AASDH: variants seen among roughly 807,000 people sequenced by gnomAD.
AASDH encodes beta-alanine-activating enzyme.
A neutral mutation model predicts 102.3 loss-of-function variants in AASDH; 81 were observed. The observed-to-expected ratio is 0.79, with a 90% confidence interval of 0.66 to 0.95. The LOEUF is 0.95. Ranked by LOEUF, AASDH falls within the 40% of genes least tolerant of loss-of-function variation. The probability of loss-of-function intolerance (pLI) is 0.00; values close to 1 mark genes in which losing one functional copy is unlikely to be tolerated. For missense variants in AASDH, 1,203 were observed against 1,266.2 expected (o/e 0.95, Z 0.76); for synonymous variants, 398 against 454.0 (o/e 0.88, Z 1.57).
intron 9 of AASDH, 137 bp from the exon 10 acceptor site, chr4:56,351,594 A>G (rs1749012471): frequency 1.0e-5 from 6 of 574,460 alleles, no homozygotes; most frequent in South Asian, 2.4e-5. Flanking sequence ...TCAACAATCA[A>G]TTCTAAAAAG....
chr4:56,376,628 A>G (rs563950185), intron 4 of AASDH, among the ~76,000 whole-genome samples: 2 of 152,320 alleles, frequency 1.3e-5, no homozygotes, highest in East Asian at 3.9e-4. Flanking sequence ...TGGCTAGTCC[A>G]CGTTGAGATG....
At chr4:56,350,991 C>T (rs1748931889) in intron 10 of AASDH, among the ~76,000 whole-genome samples, 1 of 152,174 alleles carries the variant, frequency 6.6e-6, no homozygotes, top group African/African-American at 2.4e-5. Flanking sequence ...TAACAGACAA[C>T]GCACTGTGCT....
intron 4 of AASDH, among the ~76,000 whole-genome samples, chr4:56,376,585 C>T (rs1752360805): frequency 6.6e-6 from 1 of 152,146 alleles, no homozygotes; most frequent in Non-Finnish European, 1.5e-5. Context: ...CATGTGCCAT[C>T]CAATACCATA....
chr4:56,349,880 T>C lies in AASDH; in HGVS notation c.1871A>G (p.Asn624Ser). Residue 624 changes from asparagine (N) to serine (S), a missense_variant, in exon 11 of 15, where the codon AAT becomes AGT. By Grantham distance (46) the Asn-to-Ser change is conservative. Coordinates refer to ENST00000205214, the MANE Select transcript of AASDH (RefSeq NM_181806.4). The stretch of plus-strand genomic sequence containing the variant: ...TGGAACCACTGTTTGAAGGATGTGA[T>C]TATAAATCTCTAAAATGGAACTGCT... ...ILSSSILEIY[N>S]HILQTVVPDE... 6.2e-7 allele frequency: 1 copy of C among 1,614,158 alleles called. No individual in the cohort carries two copies. The highest frequency in any genetic ancestry group is 8.5e-7 in the Non-Finnish European group (1 of 1,180,036).
At chr4:56,359,632 C>T (rs2109919439) in intron 5 of AASDH, among the ~76,000 whole-genome samples, 1 of 150,930 alleles carries the variant, frequency 6.6e-6, no homozygotes, top group East Asian at 1.9e-4. Context: ...AATCTTGGCT[C>T]ACTGCAATCG....
At position 56,363,023 on chromosome 4, in the gene AASDH, A is replaced by G. The variant is rs182949327; in HGVS notation, c.862-7600T>C. Among the ~76,000 whole-genome samples the G allele has an allele frequency of 1.1e-3, 163 of 152,344 alleles. 1 individual carries two copies. Among genetic ancestry groups the G allele is most frequent in the Non-Finnish European group, 1.8e-3 (121 of 68,028 alleles). The stretch of plus-strand genomic sequence containing the variant: ...ACCTGGAAAATCGGGTCACTCCCAC[A>G]CTAATACTGCGCTTTTCCAATGGGC... On this transcript the variant is annotated intron_variant, in intron 5 of 14. Coordinates refer to ENST00000205214, the MANE Select transcript of AASDH (RefSeq NM_181806.4).
At chr4:56,358,321 C>G (rs1176895459) in intron 5 of AASDH, among the ~76,000 whole-genome samples, 1 of 151,514 alleles carries the variant, frequency 6.6e-6, no homozygotes, top group Non-Finnish European at 1.5e-5. Context: ...TCCTCCTGTC[C>G]AATGTAAGTA....
chr4:56,368,860 A>T (rs1461019279), intron 5 of AASDH, among the ~76,000 whole-genome samples: 1 of 137,122 alleles, frequency 7.3e-6, no homozygotes, highest in Non-Finnish European at 1.7e-5. Context: ...GTACCCTAAA[A>T]CTTAAATTAA....
At chr4:56,350,089 C>A in intron 10 of AASDH, 31 bp from the exon 11 acceptor site, 1 of 1,509,248 alleles carries the variant, frequency 6.6e-7, no homozygotes, top group Non-Finnish European at 8.8e-7. Flanking sequence ...AAATATGTGA[C>A]GTAAAGGTCT....
intron 5 of AASDH, chr4:56,356,514 G>A (rs1560583785): frequency 1.8e-6 from 2 of 1,092,096 alleles, no homozygotes; most frequent in Non-Finnish European, 2.8e-6. Flanking sequence ...CAAAGGGGAT[G>A]TCCCCAGTAA....
Position 56,354,166 on chromosome 4 carries a change from G to A in AASDH, c.1256C>T (p.Pro419Leu). The change falls in exon 8 of 15, where the codon CCA (proline) becomes CTA (leucine). Residue 419 changes from proline to leucine, a missense_variant. By Grantham distance (98) the Pro-to-Leu change is moderately conservative (BLOSUM62 -3). Coordinates refer to ENST00000205214, the MANE Select transcript of AASDH (RefSeq NM_181806.4). ...VCFLDDEVTV[P>L]LGTMRATGDF... ...TCCTGTAGCTCGCATTGTGCCAAGT[G>A]GTACTGTCACTTCATCATCAAGAAA... 6.2e-7 allele frequency: 1 copy of A among 1,606,636 alleles called. No individual in the cohort carries two copies. Among genetic ancestry groups the A allele is most frequent in the East Asian group, 2.2e-5 (1 of 44,708 alleles).
Position 56,350,066 on chromosome 4 carries a change from TGAGA to T in AASDH, c.1693-12_1693-9del. 1.3e-6 allele frequency: 2 copies of T among 1,559,914 alleles called. No individual in the cohort carries two copies. The highest frequency in any genetic ancestry group is 1.7e-6 in the Non-Finnish European group (2 of 1,165,912). On this transcript the variant is annotated splice_polypyrimidine_tract_variant and intron_variant, in intron 10 of 14. Transcript: ENST00000205214. ...TGGGAGATTCAGAGTAGACTACAGA[TGAGA>T]GAATAGAGAAATATGTGACGTAAAG...
At chr4:56,343,462 A>G (rs1338445707) in intron 13 of AASDH, 100 bp downstream of exon 13, 1 of 914,756 alleles carries the variant, frequency 1.1e-6, no homozygotes, top group Non-Finnish European at 1.6e-6. Flanking sequence ...GTGGACTACT[A>G]CAATTAACTG....
intron 5 of AASDH, among the ~76,000 whole-genome samples, chr4:56,366,390 T>C (rs1375155051): frequency 1.3e-5 from 2 of 152,284 alleles, no homozygotes; most frequent in African/African-American, 2.4e-5. Context: ...ATCATCCTGA[T>C]AGCAAAGCCT....
In AASDH at chr4:56,349,993, A is replaced by C. The variant is rs1205738396; in HGVS notation, c.1758T>G (p.Gly586=). 6.2e-7 allele frequency: 1 copy of C among 1,611,676 alleles called. No homozygotes were observed. The highest frequency in any genetic ancestry group is 8.5e-7 in the Non-Finnish European group (1 of 1,179,930). The change falls in exon 11 of 15, where the codon GGT becomes GGG. Residue 586 remains glycine (G), a synonymous_variant. Transcript: ENST00000205214. ...GCCGGATGGACTTTAAGGAATCTCC[A>C]CCACTATTTAAGAAGAGTGACTCAT... ...VPDESLFLNS[G]GDSLKSIRLL...
chr4:56,355,367 CA>C lies in AASDH; in HGVS notation c.917del (p.Leu306CysfsTer10), dbSNP rs777759900. ...FGSQLIKSTV[L>X]SATTSLRVLA... ...ATACTCGAAGAGAAGTAGTGGCTGACAAAACAGTTGACTTGATAAGCTGAGA... is the reference window on the plus strand; with the variant it reads ...ATACTCGAAGAGAAGTAGTGGCTGACAAACAGTTGACTTGATAAGCTGAGA... On this transcript the variant is annotated frameshift_variant, in exon 6 of 15. Coordinates refer to ENST00000205214, the MANE Select transcript of AASDH (RefSeq NM_181806.4). LOFTEE classifies it high-confidence loss of function. 1.9e-6 allele frequency: 3 copies of C among 1,614,146 alleles called. No homozygotes were observed. The highest frequency in any genetic ancestry group is 2.2e-5 in the East Asian group (1 of 44,872).
intron 3 of AASDH, among the ~76,000 whole-genome samples, chr4:56,379,339 C>T (rs986282383): frequency 6.6e-6 from 1 of 152,074 alleles, no homozygotes; most frequent in African/African-American, 2.4e-5. Context: ...CACTATGTTA[C>T]CCAATCTGGT....
intron 11 of AASDH, among the ~76,000 whole-genome samples, chr4:56,347,994 T>A (rs1748512714): frequency 1.3e-5 from 2 of 151,544 alleles, no homozygotes; most frequent in Middle Eastern, 3.4e-3. Context: ...CTACAAAAAA[T>A]ACAAAAATTA....
At chr4:56,385,187 A>C (rs1399830079) in intron 1 of AASDH, among the ~76,000 whole-genome samples, 2 of 152,262 alleles carry the variant, frequency 1.3e-5, no homozygotes, top group Non-Finnish European at 2.9e-5. Flanking sequence ...AATCTTTGAC[A>C]GAAGAAAGCA....
Sources: allele counts gnomAD v4.1 joint callset (sites outside exome capture counted in the v4.1 genomes callset), GRCh38; gene constraint gnomAD v4.1.1; transcripts MANE v1.5; gene names NCBI Gene and HGNC (gene_info 2026-07-23, HGNC 2026-07-21).